The following BZW2 variants were observed in gnomAD, a reference collection of about 807,000 sequenced individuals.
The protein encoded by BZW2 is basic leucine zipper and W2 domains 2, also known as eIF5-mimic protein 1.
BZW2 carries 23 observed loss-of-function variants against 53.2 expected under a neutral mutation model. The observed-to-expected ratio is 0.43, with a 90% CI of 0.31 to 0.61. BZW2 has a LOEUF of 0.61. Among genes scored for constraint, BZW2 ranks in the 20% least tolerant of loss-of-function variants. BZW2 has a pLI of 0.09. For missense variants in BZW2, 409 were observed against 503.1 expected, an observed-to-expected ratio of 0.81 and a Z score of 1.79; for synonymous variants, 227 against 186.4, an observed-to-expected ratio of 1.22 and a Z score of -1.77.
intron 3 of BZW2, among the ~76,000 whole-genome samples, chr7:16,677,425 C>G (rs560522466): frequency 1.4e-3 from 217 of 152,280 alleles, no homozygotes; most frequent in Admixed American, 2.1e-3. Flanking sequence ...AACCTAAGTG[C>G]TGTTGGCGAG....
chr7:16,689,742 A>G lies in BZW2; in HGVS notation c.542-55A>G, dbSNP rs993395168. ...AGGAAACCTGGTTGCTTTGCACACC[A>G]TCACAATTGGTTTTGCTCGTAAAAG... On this transcript the variant is annotated intron_variant, in intron 6 of 11. Coordinates refer to ENST00000258761, the MANE Select transcript of BZW2 (RefSeq NM_014038.3). 19 of 1,467,594 alleles carry G rather than the reference A, an allele frequency of 1.3e-5. No individual in the cohort carries two copies. In the African/African-American group the frequency reaches 2.1e-4, roughly 16 times the overall value. The allele number at this position is 1,467,594 out of a possible 1,614,324, so 90.9% of individuals were successfully genotyped here.
chr7:16,650,471 T>C (rs1479600800), intron 1 of BZW2, among the ~76,000 whole-genome samples: 1 of 152,078 alleles, frequency 6.6e-6, no homozygotes, highest in Non-Finnish European at 1.5e-5. Flanking sequence ...TCTAGGAAAA[T>C]CAGGAGCAGG....
rs1782939562 is a variant in BZW2, at chr7:16,681,375, G to A, written c.310G>A (p.Asp104Asn). ...CCACTGTGTGTTTTCAGCAAATGAA[G>A]ATCATGAAACCATCCGAAACTATGC... ...TNHCVFSANE[D>N]HETIRNYAQV... is the part of the protein sequence containing the mutation. The change falls in exon 4 of 12, where the codon GAT becomes AAT. Residue 104 changes from aspartate to asparagine, a missense_variant. Transcript: ENST00000258761. The A allele has an allele frequency of 1.2e-6, 2 of 1,614,028 alleles. No homozygotes were observed. The highest frequency in any genetic ancestry group is 1.6e-4 in the Middle Eastern group (1 of 6,062).
chr7:16,683,999 A>C, intron 5 of BZW2, among the ~76,000 whole-genome samples: 1 of 152,216 alleles, frequency 6.6e-6, no homozygotes, highest in East Asian at 1.9e-4. Context: ...ATTTATAAGA[A>C]TCCATTAGCA....
chr7:16,693,596 G>C (rs1293986109), intron 7 of BZW2, among the ~76,000 whole-genome samples: 4 of 152,132 alleles, frequency 2.6e-5, no homozygotes, highest in African/African-American at 4.8e-5. Context: ...TTACCGTCTA[G>C]AAAAATGTCT....
intron 10 of BZW2, among the ~76,000 whole-genome samples, chr7:16,700,203 C>G (rs1418197745): frequency 6.6e-6 from 1 of 152,194 alleles, no homozygotes; most frequent in African/African-American, 2.4e-5. Flanking sequence ...TAATTTTCCA[C>G]AGAATGATAT....
At position 16,698,085 on chromosome 7, in the gene BZW2, G is replaced by T; in HGVS notation, c.1007G>T (p.Gly336Val). The change falls in exon 10 of 12, where the codon GGC (glycine) becomes GTC (valine). Residue 336 changes from glycine (G) to valine (V), a missense_variant. Gly to Val is a moderately radical substitution (Grantham distance 109). Coordinates refer to ENST00000258761, the MANE Select transcript of BZW2 (RefSeq NM_014038.3). ...APLLAVFSSQGQSELILLQKV... is the reference protein window; with the variant it reads ...APLLAVFSSQVQSELILLQKV... ...CTGCTGGCCGTGTTCAGCTCCCAAG[G>T]CCAGTCAGAGCTGATCCTCCTCCAG... The T allele has an allele frequency of 6.2e-7, 1 of 1,614,118 alleles. No homozygotes were observed. Among genetic ancestry groups the T allele is most frequent in the Non-Finnish European group, 8.5e-7 (1 of 1,179,998 alleles).
intron 3 of BZW2, among the ~76,000 whole-genome samples, chr7:16,680,457 T>A (rs1211687005): frequency 6.6e-6 from 1 of 152,164 alleles, no homozygotes; most frequent in East Asian, 1.9e-4. Flanking sequence ...AAAAATGAAG[T>A]ACACTATGGT....
rs1035253444 is a variant in BZW2, at chr7:16,681,467, T to C, written c.339+63T>C. 10 of 1,308,934 alleles carry C rather than the reference T, an allele frequency of 7.6e-6. No homozygotes were observed. The East Asian group carries it at 2.1e-4, about 27-fold the overall frequency. The allele number at this position is 1,308,934 out of a possible 1,614,324, so 81.1% of individuals were successfully genotyped here. On this transcript the variant is annotated intron_variant, in intron 4 of 11. Transcript: ENST00000258761. ...ACTGAGGAAAACTCTATAGAAGCTC[T>C]ACAGTCCACCCACTTTTTAAATAGG...
chr7:16,683,962 ACATGACC>A (rs1156819478), intron 5 of BZW2, among the ~76,000 whole-genome samples: 1 of 152,198 alleles, frequency 6.6e-6, no homozygotes, highest in Non-Finnish European at 1.5e-5. Flanking sequence ...AATGTTTCTT[ACATGACC>A]CATGACCCAG....
intron 1 of BZW2, among the ~76,000 whole-genome samples, chr7:16,655,247 T>A (rs995219645): frequency 2.0e-5 from 3 of 152,228 alleles, no homozygotes; most frequent in African/African-American, 7.2e-5. Context: ...GTTTCATAAA[T>A]CTATTAATTA....
At chr7:16,647,496 T>G (rs1447210088) in intron 1 of BZW2, among the ~76,000 whole-genome samples, 1 of 152,240 alleles carries the variant, frequency 6.6e-6, no homozygotes, top group East Asian at 1.9e-4. Context: ...AGCAAAAATC[T>G]TTCCTAAACT....
At chr7:16,695,617 C>A (rs1562496276) in intron 8 of BZW2, among the ~76,000 whole-genome samples, 1 of 152,022 alleles carries the variant, frequency 6.6e-6, no homozygotes, top group African/African-American at 2.4e-5. Context: ...ATGACTATAT[C>A]TTTTTTTTAT....
At chr7:16,698,988 T>C (rs939782173) in intron 10 of BZW2, among the ~76,000 whole-genome samples, 45 of 152,222 alleles carry the variant, frequency 3.0e-4, no homozygotes, top group African/African-American at 1.1e-3. Flanking sequence ...CCTAAATTTG[T>C]CTCTTTTGAA....
intron 2 of BZW2, among the ~76,000 whole-genome samples, chr7:16,671,099 C>A (rs1380483033): frequency 2.6e-5 from 4 of 152,136 alleles, no homozygotes; most frequent in Non-Finnish European, 4.4e-5. Context: ...CATAGTATGG[C>A]TAGTTCTTGA....
intron 1 of BZW2, among the ~76,000 whole-genome samples, chr7:16,650,226 C>G (rs1781951951): frequency 6.6e-6 from 1 of 152,128 alleles, no homozygotes; most frequent in Non-Finnish European, 1.5e-5. Flanking sequence ...TTACTCAGTG[C>G]TTGTAGAACA....
intron 9 of BZW2, among the ~76,000 whole-genome samples, chr7:16,697,448 C>G (rs1783535014): frequency 6.6e-6 from 1 of 152,202 alleles, no homozygotes; most frequent in South Asian, 2.1e-4. Context: ...ACCCTAGACT[C>G]AGACTAAACA....
intron 2 of BZW2, among the ~76,000 whole-genome samples, chr7:16,672,065 C>T (rs965875862): frequency 5.9e-5 from 9 of 151,952 alleles, no homozygotes; most frequent in African/African-American, 9.7e-5. Flanking sequence ...GTTTTACATA[C>T]CACTTGTTTT....
Position 16,701,254 on chromosome 7 carries a change from A to G in BZW2, c.1108+3068A>G, listed in dbSNP as rs147409015. Among the ~76,000 whole-genome samples, 39 of 152,308 alleles carry G rather than the reference A, an allele frequency of 2.6e-4. No individual in the cohort carries two copies. In the East Asian group the frequency reaches 6.9e-3, roughly 27 times the overall value. ...TTCAAGCATCACATTATTGACTTTTAAAAATAATTTTCTCTTCTTTTTTCC... is the reference window on the plus strand; with the variant it reads ...TTCAAGCATCACATTATTGACTTTTGAAAATAATTTTCTCTTCTTTTTTCC... On this transcript the variant is annotated intron_variant, in intron 10 of 11. Coordinates refer to ENST00000258761, the MANE Select transcript of BZW2 (RefSeq NM_014038.3).
Sources: gnomAD v4.1 joint callset for allele counts (sites outside exome capture counted in the v4.1 genomes callset) on GRCh38, gnomAD v4.1.1 for gene constraint, MANE v1.5 for transcripts, NCBI Gene and HGNC (gene_info 2026-07-23, HGNC 2026-07-21) for gene names.